SGPL1: variants seen among roughly 807,000 people sequenced by gnomAD.
The protein encoded by SGPL1 is sphingosine-1-phosphate lyase 1.
Under a neutral mutation model 68.9 loss-of-function variants are expected in SGPL1, and 37 were observed. That is an observed-to-expected ratio of 0.54 (90% CI 0.41 to 0.71). The LOEUF is 0.71. Among genes scored for constraint, SGPL1 ranks in the 30% least tolerant of loss-of-function variants. The pLI is 0.00. For synonymous variants in SGPL1, 236 were observed against 248.5 expected (o/e 0.95, Z 0.47); for missense variants, 551 against 704.6 (o/e 0.78, Z 2.47).
chr10:70,875,631 GT>G (rs1846371970), intron 13 of SGPL1, 83 bp downstream of exon 13: 1 of 1,097,008 alleles, frequency 9.1e-7, no homozygotes, highest in Non-Finnish European at 1.3e-6. Flanking sequence ...GAAGTATAGA[GT>G]TTGACTGCTA....
chr10:70,863,764 ACAT>A (rs1846127116), intron 7 of SGPL1, among the ~76,000 whole-genome samples: 1 of 152,200 alleles, frequency 6.6e-6, no homozygotes, highest in Non-Finnish European at 1.5e-5. Flanking sequence ...CTTTACTTGA[ACAT>A]CAGGGTTGAG....
intron 3 of SGPL1, among the ~76,000 whole-genome samples, chr10:70,849,324 A>G (rs1261603190): frequency 6.6e-6 from 1 of 152,258 alleles, no homozygotes; most frequent in Non-Finnish European, 1.5e-5. Context: ...GAACTATTAT[A>G]ACATTAAAAA....
chr10:70,837,878 T>G (rs1014364958), intron 2 of SGPL1, among the ~76,000 whole-genome samples: 1 of 152,126 alleles, frequency 6.6e-6, no homozygotes, highest in African/African-American at 2.4e-5. Flanking sequence ...GGTGAGGGCC[T>G]TCTTCTTGCT....
At chr10:70,848,852 A>G (rs1465440130) in intron 3 of SGPL1, among the ~76,000 whole-genome samples, 3 of 152,220 alleles carry the variant, frequency 2.0e-5, no homozygotes, top group African/African-American at 4.8e-5. Context: ...CTATGTCACC[A>G]TGATCTCTTG....
Position 70,873,575 on chromosome 10 carries a change from C to A in SGPL1, c.1284C>A (p.Arg428=). 6.2e-7 allele frequency: 1 copy of A among 1,612,712 alleles called. No homozygotes were observed. The highest frequency in any genetic ancestry group is 8.5e-7 in the Non-Finnish European group (1 of 1,178,630). The change falls in exon 12 of 15, where the codon CGC becomes CGA. Residue 428 remains arginine (R), a synonymous_variant. Coordinates refer to ENST00000373202, the MANE Select transcript of SGPL1 (RefSeq NM_003901.4). ...CCAAACAGATCATCAAAACTGCTCGCTTCCTCAAGTCAGAGTATGTGTGGA... is the reference window on the plus strand; with the variant it reads ...CCAAACAGATCATCAAAACTGCTCGATTCCTCAAGTCAGAGTATGTGTGGA... ...EATKQIIKTA[R]FLKSELENIK...
At chr10:70,819,439 T>C (rs1845297815) in intron 2 of SGPL1, among the ~76,000 whole-genome samples, 1 of 152,210 alleles carries the variant, frequency 6.6e-6, no homozygotes, top group Non-Finnish European at 1.5e-5. Flanking sequence ...CCAATAACCA[T>C]GGCTGGGTTT....
At chr10:70,827,590 C>A (rs1238405873) in intron 2 of SGPL1, among the ~76,000 whole-genome samples, 2 of 152,116 alleles carry the variant, frequency 1.3e-5, no homozygotes, top group African/African-American at 4.8e-5. Flanking sequence ...ACAATCCTAG[C>A]CCATTATTCA....
At chr10:70,829,199 CTTG>C (rs1302439314) in intron 2 of SGPL1, among the ~76,000 whole-genome samples, 1 of 152,158 alleles carries the variant, frequency 6.6e-6, no homozygotes, top group Non-Finnish European at 1.5e-5. Flanking sequence ...GTGATTTAAT[CTTG>C]TTGTATAGGT....
Position 70,816,837 on chromosome 10 carries a change from G to A in SGPL1, c.-17G>A, listed in dbSNP as rs200834828. 1 of 1,613,832 alleles carries A rather than the reference G, an allele frequency of 6.2e-7. No homozygotes were observed. The highest frequency in any genetic ancestry group is 1.3e-5 in the African/African-American group (1 of 75,026). ...GTCTGAAAAAGGGGAGCGCGGAGAGGAGGCTGGAAGAGGAAGATGCCTAGC... is the reference window on the plus strand; with the variant it reads ...GTCTGAAAAAGGGGAGCGCGGAGAGAAGGCTGGAAGAGGAAGATGCCTAGC... On this transcript the variant is annotated 5_prime_UTR_variant, in exon 2 of 15. Transcript: ENST00000373202.
intron 3 of SGPL1, among the ~76,000 whole-genome samples, chr10:70,849,720 G>A (rs1421849379): frequency 3.3e-5 from 5 of 152,242 alleles, no homozygotes; most frequent in African/African-American, 7.2e-5. Context: ...GGCCAGGAAA[G>A]TGGGAATTTC....
chr10:70,860,206 T>G (rs1035668390), intron 7 of SGPL1, among the ~76,000 whole-genome samples: 1 of 152,158 alleles, frequency 6.6e-6, no homozygotes, highest in African/African-American at 2.4e-5. Flanking sequence ...TCTGTTGTCT[T>G]TAGAAAAAAC....
chr10:70,820,811 G>A (rs997551959), intron 2 of SGPL1, among the ~76,000 whole-genome samples: 2 of 151,962 alleles, frequency 1.3e-5, no homozygotes, highest in African/African-American at 2.4e-5. Flanking sequence ...CTTTTACGTC[G>A]CATTTAATGA....
intron 2 of SGPL1, among the ~76,000 whole-genome samples, chr10:70,840,471 A>G (rs1313048370): frequency 6.6e-6 from 1 of 152,110 alleles, no homozygotes; most frequent in Non-Finnish European, 1.5e-5. Context: ...CTTATGCCAC[A>G]GAGCCCAATA....
chr10:70,828,390 T>G (rs887814504), intron 2 of SGPL1, among the ~76,000 whole-genome samples: 2 of 152,210 alleles, frequency 1.3e-5, no homozygotes, highest in African/African-American at 4.8e-5. Flanking sequence ...GGTGCGATCA[T>G]GGCTTCCTGC....
At chr10:70,839,119 G>A (rs941118482) in intron 2 of SGPL1, among the ~76,000 whole-genome samples, 2 of 152,116 alleles carry the variant, frequency 1.3e-5, no homozygotes, top group Non-Finnish European at 2.9e-5. Flanking sequence ...TTTGTCTAAC[G>A]ATTAGGATTA....
chr10:70,870,312 T>A (rs1846268273), intron 9 of SGPL1, among the ~76,000 whole-genome samples: 1 of 151,994 alleles, frequency 6.6e-6, no homozygotes, highest in South Asian at 2.1e-4. Flanking sequence ...TTGCGACCAG[T>A]CTGAGCAACA....
intron 2 of SGPL1, among the ~76,000 whole-genome samples, chr10:70,841,738 G>A (rs946700069): frequency 6.6e-6 from 1 of 152,154 alleles, no homozygotes; most frequent in Non-Finnish European, 1.5e-5. Flanking sequence ...CATTTGTTGA[G>A]TATCTGTCCT....
chr10:70,859,200 A>G (rs186764802), intron 6 of SGPL1, among the ~76,000 whole-genome samples, 171 bp from the exon 7 acceptor site: 13 of 152,310 alleles, frequency 8.5e-5, no homozygotes, highest in Admixed American at 2.6e-4. Flanking sequence ...ATTTATTTAC[A>G]TGTCTGTCTC....
intron 7 of SGPL1, chr10:70,866,707 TA>T (rs1299605227): frequency 5.3e-5 from 8 of 152,260 alleles, no homozygotes; most frequent in Non-Finnish European, 1.5e-5. Flanking sequence ...ACCTCAGCTG[TA>T]AGCACTTTGT....
Sources: allele counts gnomAD v4.1 joint callset (sites outside exome capture counted in the v4.1 genomes callset), GRCh38; gene constraint gnomAD v4.1.1; transcripts MANE v1.5; gene names NCBI Gene and HGNC (gene_info 2026-07-23, HGNC 2026-07-21).